Variants in DOCK3 observed in about 807,000 individuals in gnomAD.
The protein encoded by DOCK3 is dedicator of cytokinesis 3.
A neutral mutation model predicts 265.6 loss-of-function variants in DOCK3; 60 were observed. The ratio of observed to expected loss-of-function variants is 0.23; its 90% confidence interval spans 0.18 to 0.28. The LOEUF is 0.28. DOCK3 is among the 10% of genes least tolerant of loss of function. The pLI is 1.00. For synonymous variants in DOCK3, 881 were observed against 938.0 expected, an observed-to-expected ratio of 0.94 and a Z score of 1.11; for missense variants, 1,981 against 2,594.3, an observed-to-expected ratio of 0.76 and a Z score of 5.14.
chr3:51,120,375 G>A (rs1184791362), intron 9 of DOCK3, among the ~76,000 whole-genome samples: 1 of 152,156 alleles, frequency 6.6e-6, no homozygotes, highest in Non-Finnish European at 1.5e-5. Context: ...GTGCCAGCCA[G>A]AGCTCTGCTG....
chr3:51,379,110 C>G (rs551891463), intron 51 of DOCK3, among the ~76,000 whole-genome samples: 4 of 152,218 alleles, frequency 2.6e-5, no homozygotes, highest in Non-Finnish European at 5.9e-5. Flanking sequence ...TTCTCTCATT[C>G]TCATCTCTAC....
intron 4 of DOCK3, among the ~76,000 whole-genome samples, chr3:50,912,955 A>G (rs1317925739): frequency 6.6e-6 from 1 of 152,078 alleles, no homozygotes; most frequent in Non-Finnish European, 1.5e-5. Flanking sequence ...CCGGTGACCA[A>G]GCTGGTTCCT....
chr3:51,025,429 A>G (rs1308318842), intron 5 of DOCK3, among the ~76,000 whole-genome samples: 1 of 152,032 alleles, frequency 6.6e-6, no homozygotes, highest in East Asian at 1.9e-4. Flanking sequence ...TGCTCTGGTG[A>G]CAGCACCTGG....
At chr3:51,040,510 T>C (rs2080440049) in intron 5 of DOCK3, among the ~76,000 whole-genome samples, 1 of 152,202 alleles carries the variant, frequency 6.6e-6, no homozygotes, top group Non-Finnish European at 1.5e-5. Flanking sequence ...TGTCTAAGTA[T>C]TGATGGCTGC....
intron 22 of DOCK3, among the ~76,000 whole-genome samples, chr3:51,251,350 G>C (rs1364711612): frequency 6.6e-6 from 1 of 152,166 alleles, no homozygotes; most frequent in East Asian, 1.9e-4. Flanking sequence ...TGTCTTTATA[G>C]CAGCATGATT....
intron 2 of DOCK3, among the ~76,000 whole-genome samples, chr3:50,837,422 A>T (rs1039232077): frequency 6.6e-6 from 1 of 152,186 alleles, no homozygotes; most frequent in Admixed American, 6.6e-5. Context: ...CCTTCTTCAC[A>T]TGGTGGCAGA....
At chr3:51,176,741 A>G (rs1256284869) in intron 12 of DOCK3, among the ~76,000 whole-genome samples, 1 of 152,226 alleles carries the variant, frequency 6.6e-6, no homozygotes, top group African/African-American at 2.4e-5. Context: ...TTAATAAGGC[A>G]ATCTAAGACA....
At chr3:50,819,346 C>T (rs1318902390) in intron 2 of DOCK3, among the ~76,000 whole-genome samples, 1 of 152,182 alleles carries the variant, frequency 6.6e-6, no homozygotes, top group Non-Finnish European at 1.5e-5. Flanking sequence ...TCTGTAAGAA[C>T]ATTTCTACCA....
intron 14 of DOCK3, among the ~76,000 whole-genome samples, chr3:51,222,750 G>T (rs2090157737): frequency 6.6e-6 from 1 of 152,116 alleles, no homozygotes; most frequent in Non-Finnish European, 1.5e-5. Flanking sequence ...TTCTCAGCTA[G>T]ATGATCACCA....
intron 5 of DOCK3, among the ~76,000 whole-genome samples, chr3:50,942,146 C>T (rs1308963432): frequency 6.6e-6 from 1 of 151,876 alleles, no homozygotes; most frequent in African/African-American, 2.4e-5. Context: ...TTTGGCAAGT[C>T]CTGGTGAATA....
rs2039447961 is a variant in DOCK3, at chr3:50,746,414, T to C, written c.38-32261T>C. Among the ~76,000 whole-genome samples, 3 of 152,138 alleles carry C rather than the reference T, an allele frequency of 2.0e-5. No individual in the cohort carries two copies. In the South Asian group the frequency reaches 6.2e-4, roughly 32 times the overall value. On this transcript the variant is annotated intron_variant, in intron 1 of 52. Coordinates refer to ENST00000266037, the MANE Select transcript of DOCK3 (RefSeq NM_004947.5). ...GAACCACCATGCCCAGCGGATGATA[T>C]CTAATTTATCAGTTGGTTCTTTTGT...
Position 51,200,517 on chromosome 3 carries a change from C to T in DOCK3, c.1038-8257C>T, listed in dbSNP as rs949313453. Among the ~76,000 whole-genome samples the T allele has an allele frequency of 3.7e-4, 54 of 147,210 alleles. No homozygotes were observed. The Admixed American group carries it at 3.7e-3, about 10-fold the overall frequency. On this transcript the variant is annotated intron_variant, in intron 12 of 52. Transcript: ENST00000266037. ...AACAAAGCCTCCAAGAAATATGGGACTATGTGAAAAGACCAAATCTACGTC... is the reference window on the plus strand; with the variant it reads ...AACAAAGCCTCCAAGAAATATGGGATTATGTGAAAAGACCAAATCTACGTC...
At chr3:50,772,455 G>GT (rs1352724857) in intron 1 of DOCK3, among the ~76,000 whole-genome samples, 1 of 152,150 alleles carries the variant, frequency 6.6e-6, no homozygotes, top group African/African-American at 2.4e-5. Flanking sequence ...AGTGTAATTG[G>GT]TTTGTAACTC....
chr3:51,179,677 G>A (rs1035936359), intron 12 of DOCK3, among the ~76,000 whole-genome samples: 2 of 152,082 alleles, frequency 1.3e-5, no homozygotes, highest in Admixed American at 6.5e-5. Flanking sequence ...GGAAGCCAAG[G>A]GGGCAGGAGG....
At chr3:51,323,476 T>A (rs779042081) in intron 32 of DOCK3, among the ~76,000 whole-genome samples, 110 of 152,250 alleles carry the variant, frequency 7.2e-4, no homozygotes, top group South Asian at 1.4e-3. Context: ...CCTTGGCAAA[T>A]GCAAGAGAAT....
At chr3:51,203,461 C>T (rs1203082498) in intron 12 of DOCK3, among the ~76,000 whole-genome samples, 29 of 152,044 alleles carry the variant, frequency 1.9e-4, no homozygotes, top group Non-Finnish European at 2.6e-4. Flanking sequence ...TTACAAGGGA[C>T]GTGAAGGACC....
intron 5 of DOCK3, among the ~76,000 whole-genome samples, chr3:51,006,396 C>G (rs902311893): frequency 3.3e-5 from 5 of 152,156 alleles, no homozygotes; most frequent in African/African-American, 1.2e-4. Context: ...TTACAGCCAA[C>G]TACCCACTGT....
chr3:51,285,694 G>A (rs1318537316), intron 27 of DOCK3, among the ~76,000 whole-genome samples: 3 of 152,010 alleles, frequency 2.0e-5, no homozygotes, highest in African/African-American at 7.2e-5. Context: ...CAGCACTTTG[G>A]GAGGCCAAGG....
chr3:51,322,737 G>A (rs565682763), intron 32 of DOCK3, among the ~76,000 whole-genome samples: 1 of 152,230 alleles, frequency 6.6e-6, no homozygotes, highest in African/African-American at 2.4e-5. Context: ...TAAAGAAACT[G>A]CATCAACTAA....
Sources: allele counts gnomAD v4.1 joint callset (sites outside exome capture counted in the v4.1 genomes callset), GRCh38; gene constraint gnomAD v4.1.1; transcripts MANE v1.5; gene names NCBI Gene and HGNC (gene_info 2026-07-23, HGNC 2026-07-21).